Variants in IGF2BP1 observed in about 807,000 individuals in gnomAD.
The protein encoded by IGF2BP1 is insulin like growth factor 2 mRNA binding protein 1, also known as insulin-like growth factor 2 mRNA-binding protein 1.
IGF2BP1 carries 11 observed loss-of-function variants against 74.9 expected under a neutral mutation model. The ratio of observed to expected loss-of-function variants is 0.15; its 90% CI spans 0.09 to 0.24. The LOEUF (loss-of-function observed/expected upper bound fraction) is 0.24. Ranked by LOEUF, IGF2BP1 falls within the 10% of genes least tolerant of loss-of-function variation. The pLI, the probability that IGF2BP1 is intolerant of heterozygous loss-of-function variation, is 1.00. For missense variants in IGF2BP1, 440 were observed against 757.4 expected, an observed-to-expected ratio of 0.58 and a Z score of 4.92; for synonymous variants, 287 against 281.8, an observed-to-expected ratio of 1.02 and a Z score of -0.18.
intron 2 of IGF2BP1, among the ~76,000 whole-genome samples, chr17:49,008,541 T>C (rs541013623): frequency 1.3e-4 from 20 of 152,324 alleles, no homozygotes; most frequent in African/African-American, 4.6e-4. Context: ...ACCTCTAATA[T>C]TTCTGTGAGA....
intron 5 of IGF2BP1, among the ~76,000 whole-genome samples, chr17:49,033,544 T>A (rs528175721): frequency 1.3e-5 from 2 of 151,978 alleles, no homozygotes; most frequent in Non-Finnish European, 2.9e-5. Flanking sequence ...GGTCTCACCA[T>A]GTTGGCCAGG....
rs369153046 is a variant in IGF2BP1 at position 49,025,313 on chromosome 17, AGTGTGTGT to A, written c.237-268_237-261del. On this transcript the variant is annotated intron_variant, in intron 2 of 14. Coordinates refer to ENST00000290341, the MANE Select transcript of IGF2BP1 (RefSeq NM_006546.4). ...AATGAGAAAGTGGTGGGACAAACAA[AGTGTGTGT>A]GTGTGTGTGTGTGTGTGTGTGTGTG... 3.9e-3 allele frequency among the ~76,000 whole-genome samples: 521 copies of A among 133,644 alleles called. 4 individuals carry two copies. The highest frequency in any genetic ancestry group is 0.019 in the South Asian group (72 of 3,702). The allele number at this position is 133,644 out of a possible 152,430, so 87.7% of individuals were successfully genotyped here. A position where few individuals can be genotyped will look rare whatever the true frequency, so the allele number is the denominator to read the frequency against.
Position 49,045,884 on chromosome 17 carries a change from TCTC to T in IGF2BP1, c.1396-5_1396-3del. 6.2e-7 allele frequency: 1 copy of T among 1,613,424 alleles called. No individual in the cohort carries two copies. Among genetic ancestry groups the T allele is most frequent in the Non-Finnish European group, 8.5e-7 (1 of 1,179,680 alleles). On this transcript the variant is annotated splice_polypyrimidine_tract_variant and splice_region_variant and intron_variant, in intron 12 of 14. Transcript: ENST00000290341. ...CCACTGATTAACAATTACCTCCTCTTCTCAGGCTCAGGGAAGAATCTATGGCAA... is the reference window on the plus strand; with the variant it reads ...CCACTGATTAACAATTACCTCCTCTTAGGCTCAGGGAAGAATCTATGGCAA...
At position 49,013,185 on chromosome 17, in the gene IGF2BP1, TTGA is replaced by T. The variant is rs1321338650; in HGVS notation, c.237-12429_237-12427del. On this transcript the variant is annotated intron_variant, in intron 2 of 14. Coordinates refer to ENST00000290341, the MANE Select transcript of IGF2BP1 (RefSeq NM_006546.4). ...GGTGAGTTATTAACAAGATCATTAA[TTGA>T]TGACACCCCAAAAGGGCTGAAAGGT... Among the ~76,000 whole-genome samples the T allele has an allele frequency of 2.0e-5, 3 of 152,102 alleles. No homozygotes were observed. In the East Asian group the frequency reaches 5.8e-4, roughly 29 times the overall value.
intron 2 of IGF2BP1, among the ~76,000 whole-genome samples, chr17:49,023,248 CT>C (rs982156545): frequency 6.6e-6 from 1 of 152,184 alleles, no homozygotes; most frequent in African/African-American, 2.4e-5. Context: ...TTTTGTCCTG[CT>C]ATAATCTGAC....
intron 5 of IGF2BP1, among the ~76,000 whole-genome samples, chr17:49,035,728 T>C (rs2041979286): frequency 6.6e-6 from 1 of 152,190 alleles, no homozygotes; most frequent in African/African-American, 2.4e-5. Flanking sequence ...GCTGCTCGCC[T>C]TCTAGAAGTT....
intron 2 of IGF2BP1, among the ~76,000 whole-genome samples, chr17:49,023,728 A>AT (rs2041818951): frequency 6.6e-6 from 1 of 152,200 alleles, no homozygotes; most frequent in Non-Finnish European, 1.5e-5. Context: ...TCAAGCCACT[A>AT]GAGTTTTTTT....
At position 49,026,387 on chromosome 17, in the gene IGF2BP1, G is replaced by C. The variant is rs903540809; in HGVS notation, c.286-79G>C. 3 of 1,266,322 alleles carry C rather than the reference G, an allele frequency of 2.4e-6. No individual in the cohort carries two copies. The South Asian group carries it at 3.6e-5, about 15-fold the overall frequency. The allele number at this position is 1,266,322 out of a possible 1,614,324, so 78.4% of individuals were successfully genotyped here. On this transcript the variant is annotated intron_variant, in intron 3 of 14. Transcript: ENST00000290341. Reference sequence around the variant, plus strand: ...CTCTGTCAATGCCCGATTGCTTTGGGATGCAGGGTGTCCAGTGGCTGCTTT... The same window carrying C: ...CTCTGTCAATGCCCGATTGCTTTGGCATGCAGGGTGTCCAGTGGCTGCTTT...
At chr17:49,038,715 A>G (rs758467066) in intron 6 of IGF2BP1, among the ~76,000 whole-genome samples, 19 of 152,062 alleles carry the variant, frequency 1.2e-4, no homozygotes, top group Non-Finnish European at 1.8e-4. Context: ...TTCATAAAAA[A>G]AGTCTCCAAG....
At chr17:49,046,778 TTGATGGCATTTTTGAAATGTAG>T (rs1479259382) in intron 14 of IGF2BP1, among the ~76,000 whole-genome samples, 1 of 152,122 alleles carries the variant, frequency 6.6e-6, no homozygotes, top group African/African-American at 2.4e-5. Context: ...ACACCCTGGA[TTGATGGCATTTTTGAAATGTAG>T]TCCCTCTGCC....
chr17:49,043,869 T>C (rs1435124442), intron 10 of IGF2BP1, 98 bp from the exon 11 acceptor site: 13 of 1,527,318 alleles, frequency 8.5e-6, no homozygotes, highest in Admixed American at 6.0e-5. Context: ...GTTTGGTGCC[T>C]GTACTCCTTC....
At chr17:49,017,910 G>C (rs746893073) in intron 2 of IGF2BP1, 1 of 151,966 alleles carries the variant, frequency 6.6e-6, no homozygotes, top group Non-Finnish European at 1.5e-5. Flanking sequence ...TTACAGGCAT[G>C]CACCACCACG....
At chr17:49,019,362 T>G (rs942050551) in intron 2 of IGF2BP1, among the ~76,000 whole-genome samples, 1 of 152,176 alleles carries the variant, frequency 6.6e-6, no homozygotes. Flanking sequence ...TTCTTTCGAA[T>G]AGAACACCAA....
chr17:49,016,691 C>T (rs1056259088), intron 2 of IGF2BP1, among the ~76,000 whole-genome samples: 8 of 152,138 alleles, frequency 5.3e-5, no homozygotes, highest in East Asian at 1.9e-4. Context: ...TGGCTTTCTT[C>T]GTGGTGGTGG....
intron 7 of IGF2BP1, 50 bp from the exon 8 acceptor site, chr17:49,041,328 C>G (rs1433170647): frequency 1.2e-6 from 2 of 1,606,416 alleles, no homozygotes; most frequent in Admixed American, 3.4e-5. Context: ...TTCATGAAGC[C>G]CACAATTGAA....
chr17:49,016,822 C>G (rs892934884), intron 2 of IGF2BP1, among the ~76,000 whole-genome samples: 1 of 141,802 alleles, frequency 7.1e-6, no homozygotes, highest in African/African-American at 2.6e-5. Flanking sequence ...CTCCTGCCCC[C>G]CCGCCTGTCC....
intron 7 of IGF2BP1, among the ~76,000 whole-genome samples, chr17:49,041,161 A>G (rs4073893): frequency 0.34 from 51,529 of 152,134 alleles, 9,284 homozygotes; most frequent in African/African-American, 0.42. Context: ...CCTGGGTGAT[A>G]GAGTGAGACC....
intron 2 of IGF2BP1, among the ~76,000 whole-genome samples, chr17:49,002,732 A>G (rs1326645378): frequency 3.3e-5 from 5 of 151,954 alleles, no homozygotes; most frequent in African/African-American, 1.2e-4. Flanking sequence ...CATAAGTGAA[A>G]AAAATGGTTG....
At chr17:49,033,402 C>T (rs757362229) in intron 5 of IGF2BP1, among the ~76,000 whole-genome samples, 2 of 149,354 alleles carry the variant, frequency 1.3e-5, no homozygotes, top group African/African-American at 4.9e-5. Flanking sequence ...AGTGCAGTGG[C>T]GTGATCTTGG....
Sources: gnomAD v4.1 joint callset for allele counts (sites outside exome capture counted in the v4.1 genomes callset) on GRCh38, gnomAD v4.1.1 for gene constraint, MANE v1.5 for transcripts, NCBI Gene and HGNC (gene_info 2026-07-23, HGNC 2026-07-21) for gene names.